Variants in BLTP1 observed in about 807,000 individuals in gnomAD.
BLTP1 encodes fragile site-associated protein.
chr4:122,238,434 C>A, the BLTP1 span: 1 of 1,041,232 alleles, frequency 9.6e-7, no homozygotes, highest in Admixed American at 2.1e-5. Context: ...CTTCTTCCCT[C>A]TCCACTCCCC....
At chr4:122,337,072 A>G in the BLTP1 span, 14 of 1,473,506 alleles carry the variant, frequency 9.5e-6, no homozygotes, top group Non-Finnish European at 2.8e-6. Context: ...GTTTTTCTTA[A>G]GTTTATTTGA....
chr4:122,253,005 T>C, the BLTP1 span, among the ~76,000 whole-genome samples: 1 of 152,194 alleles, frequency 6.6e-6, no homozygotes, highest in Non-Finnish European at 1.5e-5. Context: ...AGAGCCTCTG[T>C]CTGGTAATCC....
the BLTP1 span, among the ~76,000 whole-genome samples, chr4:122,259,480 G>T: frequency 6.6e-6 from 1 of 152,096 alleles, no homozygotes; most frequent in South Asian, 2.1e-4. Flanking sequence ...ATCATTTGTT[G>T]TTGGTTCTTT....
At chr4:122,245,210 G>C in the BLTP1 span, 1 of 1,381,670 alleles carries the variant, frequency 7.2e-7, no homozygotes, top group Non-Finnish European at 1.0e-6. Context: ...ATTCAAACTT[G>C]AAAAATTTTC....
At chr4:122,160,924 G>A in the BLTP1 span, among the ~76,000 whole-genome samples, 1 of 152,162 alleles carries the variant, frequency 6.6e-6, no homozygotes, top group African/African-American at 2.4e-5. Context: ...ACCAGTTAAA[G>A]GTTTTCAAGT....
chr4:122,178,715 A>G, the BLTP1 span, among the ~76,000 whole-genome samples: 3 of 152,128 alleles, frequency 2.0e-5, no homozygotes, highest in Non-Finnish European at 4.4e-5. Flanking sequence ...CTCATTTATT[A>G]TTTTATTATT....
At chr4:122,235,760 G>A in the BLTP1 span, 1 of 152,166 alleles carries the variant, frequency 6.6e-6, no homozygotes, top group East Asian at 1.9e-4. Flanking sequence ...AGAGGAGATG[G>A]CGCCACTGCA....
At chr4:122,322,935 G>C in the BLTP1 span, among the ~76,000 whole-genome samples, 2 of 152,086 alleles carry the variant, frequency 1.3e-5, no homozygotes, top group Non-Finnish European at 2.9e-5. Flanking sequence ...CCTTCCCCGT[G>C]TTGGAAGCCT....
At chr4:122,348,407 C>T in the BLTP1 span, 1 of 227,148 alleles carries the variant, frequency 4.4e-6, no homozygotes, top group Admixed American at 6.5e-5. Context: ...TAAGTGGTAA[C>T]TATTATTTTA....
the BLTP1 span, chr4:122,271,136 G>T: frequency 6.2e-7 from 1 of 1,613,732 alleles, no homozygotes; most frequent in Non-Finnish European, 8.5e-7. Flanking sequence ...CTCTACCAGT[G>T]CCCTTTCTTT....
chr4:122,266,252 C>T, the BLTP1 span, among the ~76,000 whole-genome samples: 1 of 152,140 alleles, frequency 6.6e-6, no homozygotes, highest in African/African-American at 2.4e-5. Context: ...TCTCCATAAG[C>T]ATGTATGATA....
At chr4:122,154,162 CTTTTTTTT>C in the BLTP1 span, 588 of 254,774 alleles carry the variant, frequency 2.3e-3, 1 homozygote, top group African/African-American at 3.9e-3. Flanking sequence ...CGGTTAAAGA[CTTTTTTTT>C]TTTTTTTTTT....
the BLTP1 span, among the ~76,000 whole-genome samples, chr4:122,166,392 G>A: frequency 1.3e-5 from 2 of 152,082 alleles, no homozygotes; most frequent in Non-Finnish European, 2.9e-5. Context: ...GTAGATATGC[G>A]GCACTATTTC....
the BLTP1 span, chr4:122,200,824 C>A: frequency 1.3e-6 from 1 of 775,318 alleles, no homozygotes; most frequent in Non-Finnish European, 1.6e-6. Flanking sequence ...TTTCAAGGAG[C>A]TAGATGTAGC....
chr4:122,267,232 T>C, the BLTP1 span, among the ~76,000 whole-genome samples: 1 of 151,780 alleles, frequency 6.6e-6, no homozygotes, highest in Non-Finnish European at 1.5e-5. Context: ...CTAATGTTTT[T>C]GTATTTTTAG....
chr4:122,169,559 T>C, the BLTP1 span: 4 of 864,010 alleles, frequency 4.6e-6, no homozygotes, highest in African/African-American at 3.7e-5. Context: ...ACTATGGTAT[T>C]ATGAAGGAAT....
At chr4:122,270,153 T>A in the BLTP1 span, among the ~76,000 whole-genome samples, 1 of 152,098 alleles carries the variant, frequency 6.6e-6, no homozygotes, top group Non-Finnish European at 1.5e-5. Context: ...TTTACATAAA[T>A]TACACTACAA....
the BLTP1 span, chr4:122,182,823 C>T: frequency 1.8e-5 from 18 of 984,750 alleles, no homozygotes; most frequent in Middle Eastern, 5.2e-4. Context: ...TCATTTCCCT[C>T]TTTCTTTTTT....
At chr4:122,153,332 A>C in the BLTP1 span, among the ~76,000 whole-genome samples, 2 of 152,156 alleles carry the variant, frequency 1.3e-5, no homozygotes, top group African/African-American at 4.8e-5. Context: ...CATAGCAATG[A>C]AGTTGTTTTA....
Sources: gnomAD v4.1 joint callset for allele counts (sites outside exome capture counted in the v4.1 genomes callset) on GRCh38, gnomAD v4.1.1 for gene constraint, MANE v1.5 for transcripts, NCBI Gene and HGNC (gene_info 2026-07-23, HGNC 2026-07-21) for gene names.